N4BP3: variants seen among roughly 807,000 people sequenced by gnomAD.
N4BP3 encodes NEDD4 binding protein 3, also known as NEDD4-binding protein 3.
In N4BP3, 33 loss-of-function variants were observed where a neutral mutation model predicts 43.8. That is an observed-to-expected ratio of 0.75 (90% CI 0.57 to 1.01). The LOEUF is 1.01. Ranked by LOEUF, N4BP3 falls within the 50% of genes least tolerant of loss-of-function variation. The pLI is 0.00. For missense variants in N4BP3, 756 were observed against 744.2 expected (o/e 1.02, Z -0.18); for synonymous variants, 326 against 321.9 (o/e 1.01, Z -0.14).
Position 178,121,608 on chromosome 5 carries a change from T to A in N4BP3, c.1242T>A (p.Ala414=). The part of the protein sequence containing the change: ...QLRGSRAQAQ[A]QDAELVRLRE... Reference sequence around the variant, plus strand: ...GGGGCAGCCGGGCACAAGCCCAGGCTCAGGACGCAGAGCTGGTCCGGCTGC... The same window carrying A: ...GGGGCAGCCGGGCACAAGCCCAGGCACAGGACGCAGAGCTGGTCCGGCTGC... The change falls in exon 5 of 5, where the codon GCT becomes GCA. Residue 414 remains alanine (A), a synonymous_variant. Coordinates refer to ENST00000274605, the MANE Select transcript of N4BP3 (RefSeq NM_015111.2). 1 of 1,613,168 alleles carries A rather than the reference T, an allele frequency of 6.2e-7. No individual in the cohort carries two copies. Among genetic ancestry groups the A allele is most frequent in the South Asian group, 1.1e-5 (1 of 91,084 alleles).
rs1252186093 is a variant in N4BP3 at position 178,118,314 on chromosome 5, C to A, written c.-30-1240C>A. 6.6e-6 allele frequency among the ~76,000 whole-genome samples: 1 copy of A among 152,194 alleles called. No individual in the cohort carries two copies. The highest frequency in any genetic ancestry group is 2.1e-4 in the South Asian group (1 of 4,832). ...TGTTGACCCTGGCTGTGGCCCAGGC[C>A]CTGAACTGGGTGCTCTGTCATGTTA... On this transcript the variant is annotated intron_variant, in intron 1 of 4. Transcript: ENST00000274605. This position sits in a 1 kb window ranked among gnomAD's most constrained non-coding sequence, Gnocchi z 5.4.
chr5:178,116,423 T>TG (rs1035779713), intron 1 of N4BP3, among the ~76,000 whole-genome samples: 6 of 151,550 alleles, frequency 4.0e-5, no homozygotes, highest in East Asian at 1.9e-4. Flanking sequence ...GTGGGGACGG[T>TG]GGGGGGCCTA....
chr5:178,119,539 C>T lies in N4BP3; in HGVS notation c.-30-15C>T, dbSNP rs368377372. 6 of 1,501,726 alleles carry T rather than the reference C, an allele frequency of 4.0e-6. No individual in the cohort carries two copies. Among genetic ancestry groups the T allele is most frequent in the East Asian group, 2.3e-5 (1 of 43,376 alleles). 93.0% of individuals were successfully genotyped at this position (1,501,726 alleles called of 1,614,324 possible). On this transcript the variant is annotated splice_polypyrimidine_tract_variant and intron_variant, in intron 1 of 4. Transcript: ENST00000274605. Reference sequence around the variant, plus strand: ...CAGTGCTCACCTGCCCCTAATGGAGCCTCCCAATTCCCAGAAGCAGCTGCC... The same window carrying T: ...CAGTGCTCACCTGCCCCTAATGGAGTCTCCCAATTCCCAGAAGCAGCTGCC...
Position 178,120,235 on chromosome 5 carries a change from T to C in N4BP3, c.388T>C (p.Ser130Pro). 6.2e-7 allele frequency: 1 copy of C among 1,602,744 alleles called. No homozygotes were observed. The highest frequency in any genetic ancestry group is 1.1e-5 in the South Asian group (1 of 90,552). The change falls in exon 3 of 5, where the codon TCC becomes CCC. Residue 130 changes from serine (S) to proline (P), a missense_variant. Ser to Pro is a moderately conservative substitution (Grantham distance 74). Transcript: ENST00000274605. ...PTAGNGKGFLSMQSLASHKGQ... is the reference protein window; with the variant it reads ...PTAGNGKGFLPMQSLASHKGQ... ...GGCGGGCAACGGGAAAGGCTTCCTA[T>C]CCATGCAAAGTCTGGCGTCCCACAA...
At position 178,120,786 on chromosome 5, in the gene N4BP3, C is replaced by T. The variant is rs755900224; in HGVS notation, c.852+87C>T. On this transcript the variant is annotated intron_variant, in intron 3 of 4. Transcript: ENST00000274605. Reference sequence around the variant, plus strand: ...AGAGGGGCCCCAGCCAGTTCACCCACGTGGCCGTGGACACAAGAGAGCAAG... The same window carrying T: ...AGAGGGGCCCCAGCCAGTTCACCCATGTGGCCGTGGACACAAGAGAGCAAG... 6.9e-5 allele frequency: 99 copies of T among 1,437,200 alleles called. 2 individuals are homozygous for T. Among genetic ancestry groups the T allele is most frequent in the South Asian group, 4.7e-4 (32 of 68,738 alleles). The allele number at this position is 1,437,200 out of a possible 1,614,324, so 89.0% of individuals were successfully genotyped here.
chr5:178,122,607 C>T lies in N4BP3; in HGVS notation c.*606C>T, dbSNP rs942650913. Reference sequence around the variant, plus strand: ...CAGCCCCACACGGTTCCTTAGCTGCCGTGTGGGCTGAAATTCCTTTCTTTA... The same window carrying T: ...CAGCCCCACACGGTTCCTTAGCTGCTGTGTGGGCTGAAATTCCTTTCTTTA... On this transcript the variant is annotated 3_prime_UTR_variant, in exon 5 of 5. Coordinates refer to ENST00000274605, the MANE Select transcript of N4BP3 (RefSeq NM_015111.2). The T allele has an allele frequency of 6.6e-6, 1 of 152,178 alleles. No individual in the cohort carries two copies. Among genetic ancestry groups the T allele is most frequent in the South Asian group, 2.1e-4 (1 of 4,830 alleles). The allele number at this position is 152,178 out of a possible 1,614,324, so 9.4% of individuals were successfully genotyped here. A position where few individuals can be genotyped will look rare whatever the true frequency, so the allele number is the denominator to read the frequency against.
chr5:178,120,685 A>G lies in N4BP3; in HGVS notation c.838A>G (p.Asn280Asp). ...KRGLGDEDGS[N>D]PFTQVLEERQ... is the part of the protein sequence containing the mutation. ...GGGCCTTGGCGATGAGGACGGCTCCAACCCCTTCACGCAGGTGAGGGAGCC... is the reference window on the plus strand; with the variant it reads ...GGGCCTTGGCGATGAGGACGGCTCCGACCCCTTCACGCAGGTGAGGGAGCC... The change falls in exon 3 of 5, where the codon AAC becomes GAC. Residue 280 changes from asparagine (N) to aspartate (D), a missense_variant. Coordinates refer to ENST00000274605, the MANE Select transcript of N4BP3 (RefSeq NM_015111.2). The G allele has an allele frequency of 6.3e-7, 1 of 1,593,458 alleles. No individual in the cohort carries two copies. The highest frequency in any genetic ancestry group is 8.5e-7 in the Non-Finnish European group (1 of 1,175,520).
chr5:178,114,728 A>G (rs1757732131), intron 1 of N4BP3, among the ~76,000 whole-genome samples: 1 of 152,172 alleles, frequency 6.6e-6, no homozygotes, highest in Non-Finnish European at 1.5e-5. Flanking sequence ...ACTGTGAATG[A>G]ATGCGGCCAG....
rs1757700328 is a variant in N4BP3 at position 178,113,682 on chromosome 5, A to G, written c.-120A>G. The G allele has an allele frequency of 6.6e-6, 1 of 151,778 alleles. No individual in the cohort carries two copies. The highest frequency in any genetic ancestry group is 1.5e-5 in the Non-Finnish European group (1 of 67,914). The allele number at this position is 151,778 out of a possible 1,614,324, so 9.4% of individuals were successfully genotyped here. On this transcript the variant is annotated 5_prime_UTR_variant, in exon 1 of 5. Coordinates refer to ENST00000274605, the MANE Select transcript of N4BP3 (RefSeq NM_015111.2). ...CGGCACGCAGTCCCGGCCCGAGCCG[A>G]CGCCTTGCAGGAGGGTTCAAATCCG... is the stretch of plus-strand genomic sequence containing the variant.
chr5:178,119,438 C>T (rs1226509200), intron 1 of N4BP3, 116 bp from the exon 2 acceptor site: 2 of 688,396 alleles, frequency 2.9e-6, no homozygotes, highest in African/African-American at 1.8e-5. Context: ...ATCTGCCTTA[C>T]CTGGGCCTGG....
rs757187148 is a variant in N4BP3 at position 178,119,903 on chromosome 5, G to A, written c.320G>A (p.Arg107His). ...AAGACCTCGCTGCCAGAACGGGGTC[G>A]CTTTGACAAGGTGCACCTTTGCCCA... ...FSKTSLPERG[R>H]FDKCRIRPSV... is the part of the protein sequence containing the mutation. Residue 107 changes from arginine (R) to histidine (H), a missense_variant, in exon 2 of 5, where the codon CGC (arginine) becomes CAC (histidine). By Grantham distance (29) the Arg-to-His change is conservative. Transcript: ENST00000274605. 7.5e-6 allele frequency: 12 copies of A among 1,603,456 alleles called. No homozygotes were observed. The highest frequency in any genetic ancestry group is 1.7e-4 in the Middle Eastern group (1 of 6,060).
Position 178,121,951 on chromosome 5 carries a change from C to A in N4BP3, c.1585C>A (p.Arg529=), listed in dbSNP as rs768440800. The A allele has an allele frequency of 1.9e-6, 3 of 1,610,680 alleles. No individual in the cohort carries two copies. The Admixed American group carries it at 5.0e-5, about 27-fold the overall frequency. Residue 529 remains arginine, a synonymous_variant, in exon 5 of 5, where the codon CGG becomes AGG. Transcript: ENST00000274605. ...ACTGGAGCAGGAACTGCGGGCACTGCGGGAGCCCCCCACACCCTGGAGTCC... is the reference window on the plus strand; with the variant it reads ...ACTGGAGCAGGAACTGCGGGCACTGAGGGAGCCCCCCACACCCTGGAGTCC... ...QALEQELRAL[R]EPPTPWSPRL... is the part of the protein sequence containing the mutation.
Position 178,124,671 on chromosome 5 carries a change from A to G in N4BP3, c.*2670A>G, listed in dbSNP as rs1219574071. ...TTCACTCAGTGTCATCCCTTCCAGC[A>G]GCTCCCTGGGCCTCTTGGTCCATCC... On this transcript the variant is annotated 3_prime_UTR_variant, in exon 5 of 5. Transcript: ENST00000274605. 1 of 152,874 alleles carries G rather than the reference A, an allele frequency of 6.5e-6. No homozygotes were observed. The highest frequency in any genetic ancestry group is 1.5e-5 in the Non-Finnish European group (1 of 68,618). The allele number at this position is 152,874 out of a possible 1,614,324, so 9.5% of individuals were successfully genotyped here.
At position 178,123,129 on chromosome 5, in the gene N4BP3, A is replaced by G. The variant is rs1005816038; in HGVS notation, c.*1128A>G. The G allele has an allele frequency of 2.0e-5, 3 of 152,272 alleles. No individual in the cohort carries two copies. Among genetic ancestry groups the G allele is most frequent in the Non-Finnish European group, 4.4e-5 (3 of 68,146 alleles). The allele number at this position is 152,272 out of a possible 1,614,324, so 9.4% of individuals were successfully genotyped here. A position where few individuals can be genotyped will look rare whatever the true frequency, so the allele number is the denominator to read the frequency against. ...CAGCTAAGGCTGGTCCCTAAAACCC[A>G]CACCTGCCTTTGGTCTCTCAGAGGC... On this transcript the variant is annotated 3_prime_UTR_variant, in exon 5 of 5. Coordinates refer to ENST00000274605, the MANE Select transcript of N4BP3 (RefSeq NM_015111.2).
intron 1 of N4BP3, among the ~76,000 whole-genome samples, chr5:178,116,330 G>A (rs954227752): frequency 6.6e-6 from 1 of 152,160 alleles, no homozygotes; most frequent in African/African-American, 2.4e-5. Flanking sequence ...TGTGACATAC[G>A]CAGGGAGGAG....
chr5:178,113,845 A>C (rs1373218016), intron 1 of N4BP3, 74 bp downstream of exon 1: 1 of 151,938 alleles, frequency 6.6e-6, no homozygotes, highest in Non-Finnish European at 1.5e-5. Context: ...CGGGTCGCCA[A>C]GGTCTTGTTT....
rs573659172 is a variant in N4BP3 at position 178,122,027 on chromosome 5, C to T, written c.*26C>T. The T allele has an allele frequency of 1.3e-6, 2 of 1,558,594 alleles. No homozygotes were observed. Among genetic ancestry groups the T allele is most frequent in the South Asian group, 1.2e-5 (1 of 81,858 alleles). On this transcript the variant is annotated 3_prime_UTR_variant, in exon 5 of 5. Coordinates refer to ENST00000274605, the MANE Select transcript of N4BP3 (RefSeq NM_015111.2). ...GGCCAGCAGAGCGAGCTGACAGCAGCAACACTGTCAGAAGGTGCCCTGAGA... is the reference window on the plus strand; with the variant it reads ...GGCCAGCAGAGCGAGCTGACAGCAGTAACACTGTCAGAAGGTGCCCTGAGA...
chr5:178,121,623 G>T lies in N4BP3; in HGVS notation c.1257G>T (p.Leu419=), dbSNP rs766317758. 6 of 1,612,912 alleles carry T rather than the reference G, an allele frequency of 3.7e-6. No homozygotes were observed. Among genetic ancestry groups the T allele is most frequent in the East Asian group, 4.5e-5 (2 of 44,882 alleles). Residue 419 remains leucine (L), a synonymous_variant, in exon 5 of 5, where the codon CTG becomes CTT. Coordinates refer to ENST00000274605, the MANE Select transcript of N4BP3 (RefSeq NM_015111.2). ...RAQAQAQDAE[L]VRLREAVRSL... is the part of the protein sequence containing the mutation. Reference sequence around the variant, plus strand: ...AAGCCCAGGCTCAGGACGCAGAGCTGGTCCGGCTGCGCGAGGCTGTGCGCA... The same window carrying T: ...AAGCCCAGGCTCAGGACGCAGAGCTTGTCCGGCTGCGCGAGGCTGTGCGCA...
chr5:178,121,084 C>G lies in N4BP3; in HGVS notation c.853-14C>G, dbSNP rs7712666. 1.9e-6 allele frequency: 3 copies of G among 1,593,280 alleles called. No individual in the cohort carries two copies. Among genetic ancestry groups the G allele is most frequent in the South Asian group, 2.2e-5 (2 of 90,570 alleles). On this transcript the variant is annotated splice_polypyrimidine_tract_variant and intron_variant, in intron 3 of 4. Coordinates refer to ENST00000274605, the MANE Select transcript of N4BP3 (RefSeq NM_015111.2). Reference sequence around the variant, plus strand: ...GGGCAGGGCCACGGTGGATGCATCTCTTCCCCTTGACAGGTGCTGGAGGAG... The same window carrying G: ...GGGCAGGGCCACGGTGGATGCATCTGTTCCCCTTGACAGGTGCTGGAGGAG...
Sources: gnomAD v4.1 joint callset for allele counts (sites outside exome capture counted in the v4.1 genomes callset) on GRCh38, gnomAD v4.1.1 for gene constraint, Gnocchi (gnomAD v3.1) non-coding constraint, MANE v1.5 for transcripts, NCBI Gene and HGNC (gene_info 2026-07-23, HGNC 2026-07-21) for gene names.